Variants in TMEM178B observed in about 807,000 individuals in gnomAD.
TMEM178B encodes the protein transmembrane protein 178B.
A neutral mutation model predicts 31.0 loss-of-function variants in TMEM178B; 5 were observed. That is an observed-to-expected ratio of 0.16 (90% CI 0.08 to 0.34). The LOEUF (loss-of-function observed/expected upper bound fraction) is 0.34, where lower values mean the gene tolerates loss of function less well. Among genes scored for constraint, TMEM178B ranks in the 10% least tolerant of loss-of-function variants. TMEM178B has a pLI of 1.00. For synonymous variants in TMEM178B, 164 were observed against 164.0 expected, an observed-to-expected ratio of 1.00 and a Z score of 0.00; for missense variants, 275 against 400.3, an observed-to-expected ratio of 0.69 and a Z score of 2.67.
chr7:141,498,681 G>A, the TMEM178B span, among the ~76,000 whole-genome samples: 1 of 152,152 alleles, frequency 6.6e-6, no homozygotes, highest in Non-Finnish European at 1.5e-5. Context: ...CTTTAGCATT[G>A]GACAAAAATC....
chr7:141,124,186 G>A lies in TMEM178B; in HGVS notation c.382+49494G>A, dbSNP rs139867320. Among the ~76,000 whole-genome samples the A allele has an allele frequency of 5.0e-3, 757 of 152,222 alleles. 8 individuals carry two copies. Among genetic ancestry groups the A allele is most frequent in the African/African-American group, 0.017 (704 of 41,526 alleles). On this transcript the variant is annotated intron_variant, in intron 1 of 3. Coordinates refer to ENST00000565468, the MANE Select transcript of TMEM178B (RefSeq NM_001195278.2). The stretch of plus-strand genomic sequence containing the variant: ...GTTGAAGACCAGCCTGTCCAACATG[G>A]CCAAACCCTGTCTCTACTAAAAATA...
Position 141,404,843 on chromosome 7 carries a change from A to G in TMEM178B, c.497-32765A>G, listed in dbSNP as rs555980480. On this transcript the variant is annotated intron_variant, in intron 2 of 3. Coordinates refer to ENST00000565468, the MANE Select transcript of TMEM178B (RefSeq NM_001195278.2). ...AGACTGTCTGGCTGCTTAGTGACAC[A>G]GCTCAAACTGAGATCCAGGTATCCT... is the stretch of plus-strand genomic sequence containing the variant. Among the ~76,000 whole-genome samples the G allele has an allele frequency of 6.5e-4, 99 of 152,304 alleles. 1 individual carries two copies. The South Asian group carries it at 0.019, about 29-fold the overall frequency.
At chr7:141,376,232 G>T (rs191754101) in intron 2 of TMEM178B, among the ~76,000 whole-genome samples, 14 of 152,274 alleles carry the variant, frequency 9.2e-5, no homozygotes, top group African/African-American at 2.4e-4. Flanking sequence ...CTAATAATAA[G>T]AAGAAGAATT....
At chr7:141,138,033 T>C (rs1586790088) in intron 1 of TMEM178B, among the ~76,000 whole-genome samples, 1 of 152,136 alleles carries the variant, frequency 6.6e-6, no homozygotes, top group Admixed American at 6.5e-5. Flanking sequence ...TAAGGTGCTC[T>C]TATTTTCATG....
At chr7:141,421,294 TCA>T (rs1801204607) in intron 2 of TMEM178B, among the ~76,000 whole-genome samples, 1 of 152,198 alleles carries the variant, frequency 6.6e-6, no homozygotes, top group African/African-American at 2.4e-5. Flanking sequence ...GTTGCTACTC[TCA>T]CATTTCCACT....
intron 2 of TMEM178B, among the ~76,000 whole-genome samples, chr7:141,261,597 G>T (rs1586856682): frequency 6.6e-6 from 1 of 152,170 alleles, no homozygotes; most frequent in Admixed American, 6.5e-5. Flanking sequence ...CCGAGTGAGT[G>T]CTTGAGAGCT....
At chr7:141,442,318 G>A (rs531136897) in intron 3 of TMEM178B, among the ~76,000 whole-genome samples, 1 of 152,086 alleles carries the variant, frequency 6.6e-6, no homozygotes, top group Admixed American at 6.5e-5. Flanking sequence ...TAATGCTGGA[G>A]CCTCCTCTCT....
intron 2 of TMEM178B, among the ~76,000 whole-genome samples, chr7:141,328,488 C>G (rs942547408): frequency 2.6e-5 from 4 of 152,210 alleles, no homozygotes; most frequent in African/African-American, 9.6e-5. Flanking sequence ...AGAGATGAGA[C>G]AGCTGGGCCA....
intron 3 of TMEM178B, among the ~76,000 whole-genome samples, chr7:141,465,559 A>G (rs937570936): frequency 2.6e-5 from 4 of 152,174 alleles, no homozygotes; most frequent in African/African-American, 7.2e-5. Flanking sequence ...GTCAAAGCAT[A>G]TCATTACGTA....
chr7:141,204,223 G>A (rs7801403), intron 1 of TMEM178B, among the ~76,000 whole-genome samples: 99,553 of 152,084 alleles, frequency 0.65, 33,008 homozygotes, highest in Middle Eastern at 0.7. Context: ...TCAAGAAGGT[G>A]AGGTTGAGCC....
At chr7:141,503,046 T>C in the TMEM178B span, among the ~76,000 whole-genome samples, 1 of 152,148 alleles carries the variant, frequency 6.6e-6, no homozygotes, top group East Asian at 1.9e-4. Flanking sequence ...CCTCCCCTCA[T>C]CCACCCAGCT....
rs752581703 is a variant in TMEM178B, at chr7:141,422,055, C to A, written c.497-15553C>A. On this transcript the variant is annotated intron_variant, in intron 2 of 3. Coordinates refer to ENST00000565468, the MANE Select transcript of TMEM178B (RefSeq NM_001195278.2). This position sits in a 1 kb window ranked among gnomAD's most constrained non-coding sequence, Gnocchi z 4.2. ...TTTACATCTTCTCCCTTTCCCAGCT[C>A]GGGCTTGACATTTTCTTAGAAACCT... Among the ~76,000 whole-genome samples the A allele has an allele frequency of 3.9e-5, 6 of 152,146 alleles. No homozygotes were observed. The highest frequency in any genetic ancestry group is 7.4e-5 in the Non-Finnish European group (5 of 68,026).
At chr7:141,350,630 T>C (rs1799703751) in intron 2 of TMEM178B, among the ~76,000 whole-genome samples, 1 of 152,178 alleles carries the variant, frequency 6.6e-6, no homozygotes, top group Non-Finnish European at 1.5e-5. Context: ...AGGGAGATGA[T>C]TAAAGTAATG....
chr7:141,112,120 A>G (rs1317901205), intron 1 of TMEM178B, among the ~76,000 whole-genome samples: 1 of 152,202 alleles, frequency 6.6e-6, no homozygotes, highest in African/African-American at 2.4e-5. Context: ...GTCATGAAGA[A>G]CGAACACACA....
intron 1 of TMEM178B, among the ~76,000 whole-genome samples, chr7:141,210,871 AG>A (rs1235319889): frequency 6.6e-6 from 1 of 152,204 alleles, no homozygotes; most frequent in African/African-American, 2.4e-5. Flanking sequence ...GCTGGACTCC[AG>A]GGACATTTCT....
At chr7:141,353,343 A>G (rs1799766951) in intron 2 of TMEM178B, among the ~76,000 whole-genome samples, 1 of 152,188 alleles carries the variant, frequency 6.6e-6, no homozygotes, top group African/African-American at 2.4e-5. Flanking sequence ...ATGCAACACA[A>G]GACTCATTTT....
intron 1 of TMEM178B, among the ~76,000 whole-genome samples, chr7:141,117,737 GT>G (rs1301843306): frequency 6.6e-6 from 1 of 152,180 alleles, no homozygotes; most frequent in African/African-American, 2.4e-5. Context: ...TGGCTAGCCA[GT>G]TTTCCCAATA....
intron 2 of TMEM178B, among the ~76,000 whole-genome samples, chr7:141,350,154 G>GA (rs1374833103): frequency 3.9e-5 from 6 of 151,926 alleles, no homozygotes; most frequent in Admixed American, 2.0e-4. Context: ...ACAATGAACC[G>GA]AAAAAACACA....
At chr7:141,467,517 C>G (rs1802166048) in intron 3 of TMEM178B, among the ~76,000 whole-genome samples, 1 of 152,160 alleles carries the variant, frequency 6.6e-6, no homozygotes, top group African/African-American at 2.4e-5. Context: ...CAGCTCTGCT[C>G]CCACCTTGCC....
Sources: allele counts gnomAD v4.1 joint callset (sites outside exome capture counted in the v4.1 genomes callset), GRCh38; gene constraint gnomAD v4.1.1; non-coding constraint Gnocchi (gnomAD v3.1); transcripts MANE v1.5; gene names NCBI Gene and HGNC (gene_info 2026-07-23, HGNC 2026-07-21).